Variants in MYT1L observed in about 807,000 individuals in gnomAD.
The protein encoded by MYT1L is myelin transcription factor 1-like protein.
MYT1L carries 12 observed loss-of-function variants against 126.7 expected under a neutral mutation model. The ratio of observed to expected loss-of-function variants is 0.09; its 90% confidence interval spans 0.06 to 0.15. The LOEUF is 0.15. Among genes scored for constraint, MYT1L ranks in the 10% least tolerant of loss-of-function variants. MYT1L has a pLI of 1.00. For synonymous variants in MYT1L, 541 were observed against 604.2 expected, an observed-to-expected ratio of 0.90 and a Z score of 1.53; for missense variants, 979 against 1,585.2, an observed-to-expected ratio of 0.62 and a Z score of 6.49.
At chr2:1,899,697 C>T (rs570190334) in intron 14 of MYT1L, among the ~76,000 whole-genome samples, 6 of 152,364 alleles carry the variant, frequency 3.9e-5, no homozygotes, top group East Asian at 3.9e-4. Flanking sequence ...TCAAACTCTA[C>T]GATCTTACCT....
At chr2:1,969,959 C>T (rs2059686047) in intron 8 of MYT1L, among the ~76,000 whole-genome samples, 1 of 152,174 alleles carries the variant, frequency 6.6e-6, no homozygotes, top group Non-Finnish European at 1.5e-5. Flanking sequence ...GCAGCAGCAT[C>T]CTAAGTCACA....
At chr2:1,830,752 C>T (rs891933633) in intron 21 of MYT1L, among the ~76,000 whole-genome samples, 8 of 152,056 alleles carry the variant, frequency 5.3e-5, no homozygotes, top group African/African-American at 1.9e-4. Flanking sequence ...GGCAGGAGTC[C>T]TTCCCTCAGG....
At chr2:1,947,180 G>A (rs1403873761) in intron 8 of MYT1L, among the ~76,000 whole-genome samples, 2 of 152,074 alleles carry the variant, frequency 1.3e-5, no homozygotes, top group Non-Finnish European at 2.9e-5. Flanking sequence ...ACTTGGCTTG[G>A]TGCTATTCAG....
intron 8 of MYT1L, among the ~76,000 whole-genome samples, chr2:1,949,507 G>A (rs897027073): frequency 6.6e-5 from 10 of 152,200 alleles, no homozygotes; most frequent in Non-Finnish European, 1.2e-4. Flanking sequence ...TTTTGCATCT[G>A]GTTATTCTAG....
intron 4 of MYT1L, among the ~76,000 whole-genome samples, chr2:2,047,168 C>T (rs1177445611): frequency 2.0e-5 from 3 of 152,162 alleles, no homozygotes; most frequent in Non-Finnish European, 2.9e-5. Context: ...TTGTCTTGAA[C>T]GTTCTTTTGA....
At chr2:1,858,753 T>C (rs1425984188) in intron 18 of MYT1L, among the ~76,000 whole-genome samples, 2 of 152,260 alleles carry the variant, frequency 1.3e-5, no homozygotes, top group East Asian at 3.8e-4. Context: ...TGTCTTCTTT[T>C]GGAATTCCAT....
chr2:2,296,334 G>A (rs2095693255), intron 1 of MYT1L, among the ~76,000 whole-genome samples: 1 of 152,082 alleles, frequency 6.6e-6, no homozygotes, highest in Non-Finnish European at 1.5e-5. Context: ...GGCCTGTTTG[G>A]TAAAGTGTCA....
intron 3 of MYT1L, among the ~76,000 whole-genome samples, chr2:2,155,606 A>C (rs1334597516): frequency 6.6e-6 from 1 of 152,088 alleles, no homozygotes; most frequent in Non-Finnish European, 1.5e-5. Context: ...TAAAACCCTC[A>C]ATCTCCCCAT....
chr2:2,000,815 G>A (rs923645786), intron 4 of MYT1L, among the ~76,000 whole-genome samples: 1 of 152,172 alleles, frequency 6.6e-6, no homozygotes, highest in Non-Finnish European at 1.5e-5. Flanking sequence ...AGGGGATAAT[G>A]ATCTCACCCA....
intron 9 of MYT1L, among the ~76,000 whole-genome samples, chr2:1,940,214 G>C (rs1329321190): frequency 1.3e-5 from 2 of 150,868 alleles, no homozygotes; most frequent in Non-Finnish European, 3.0e-5. Flanking sequence ...GCTGCACCCT[G>C]CCAGGATGTT....
chr2:2,196,465 TAAC>T lies in MYT1L; in HGVS notation c.-420-23480_-420-23478del, dbSNP rs997454929. 3.2e-4 allele frequency among the ~76,000 whole-genome samples: 49 copies of T among 151,800 alleles called. 1 individual carries two copies. In the East Asian group the frequency reaches 7.2e-3, roughly 22 times the overall value. On this transcript the variant is annotated intron_variant, in intron 2 of 24. Coordinates refer to ENST00000647738, the MANE Select transcript of MYT1L (RefSeq NM_001303052.2). ...TGAAATAATCATTGACTGTATAAAA[TAAC>T]AATAATATCTTATAATTTAGTGTAT...
chr2:1,978,980 C>T (rs1307539978), intron 8 of MYT1L, among the ~76,000 whole-genome samples, 185 bp downstream of exon 8: 1 of 152,032 alleles, frequency 6.6e-6, no homozygotes, highest in Admixed American at 6.6e-5. Flanking sequence ...CCCACGAGAT[C>T]GAACGGCTTA....
chr2:1,962,785 C>T (rs190998312), intron 8 of MYT1L, among the ~76,000 whole-genome samples: 2 of 152,328 alleles, frequency 1.3e-5, no homozygotes, highest in African/African-American at 4.8e-5. Context: ...CTTTGCTCAG[C>T]CCTAAGAAGC....
At chr2:2,229,596 T>C (rs1348202605) in intron 2 of MYT1L, among the ~76,000 whole-genome samples, 2 of 143,270 alleles carry the variant, frequency 1.4e-5, no homozygotes, top group African/African-American at 5.5e-5. Context: ...TGGAGATTTC[T>C]TTTTTTTTCA....
chr2:1,905,105 T>G (rs2050873623), intron 13 of MYT1L, among the ~76,000 whole-genome samples: 2 of 152,180 alleles, frequency 1.3e-5, no homozygotes, highest in South Asian at 2.1e-4. Context: ...GCCAGGCTGG[T>G]CTTGAACCCT....
At chr2:2,104,682 C>A (rs779616016) in intron 3 of MYT1L, among the ~76,000 whole-genome samples, 1 of 152,220 alleles carries the variant, frequency 6.6e-6, no homozygotes, top group African/African-American at 2.4e-5. Context: ...CCATCCCTCT[C>A]CAGTTGTAAC....
At chr2:2,222,572 G>A (rs185931671) in intron 2 of MYT1L, among the ~76,000 whole-genome samples, 2 of 152,008 alleles carry the variant, frequency 1.3e-5, no homozygotes, top group Admixed American at 1.3e-4. Context: ...TAGGAGTTAA[G>A]TGTTTTTAAA....
At chr2:2,157,038 G>A (rs17039356) in intron 3 of MYT1L, among the ~76,000 whole-genome samples, 3,061 of 152,274 alleles carry the variant, frequency 0.02, 110 homozygotes, top group African/African-American at 0.07. Flanking sequence ...ATGTTACAAT[G>A]GGTTCGGCAA....
At chr2:2,158,614 C>A (rs2087155540) in intron 3 of MYT1L, among the ~76,000 whole-genome samples, 1 of 145,626 alleles carries the variant, frequency 6.9e-6, no homozygotes, top group Non-Finnish European at 1.5e-5. Context: ...CCTCCCATGG[C>A]ATAAACACAC....
Sources: allele counts gnomAD v4.1 joint callset (sites outside exome capture counted in the v4.1 genomes callset), GRCh38; gene constraint gnomAD v4.1.1; transcripts MANE v1.5; gene names NCBI Gene and HGNC (gene_info 2026-07-23, HGNC 2026-07-21).